Variants in BRINP1 observed in about 807,000 individuals in gnomAD.
BRINP1 encodes the protein BMP/retinoic acid inducible neural specific 1.
BRINP1 carries 17 observed loss-of-function variants against 72.9 expected under a neutral mutation model. That is an observed-to-expected ratio of 0.23 (90% CI 0.16 to 0.35). The LOEUF is 0.35. Among genes scored for constraint, BRINP1 ranks in the 10% least tolerant of loss-of-function variants. The pLI is 1.00. For synonymous variants in BRINP1, 418 were observed against 378.5 expected (o/e 1.10, Z -1.21); for missense variants, 850 against 1,001.6 (o/e 0.85, Z 2.04).
chr9:119,248,500 G>T (rs1305612601), intron 3 of BRINP1, among the ~76,000 whole-genome samples: 14 of 152,204 alleles, frequency 9.2e-5, no homozygotes, highest in Admixed American at 3.9e-4. Flanking sequence ...CAATTAATCT[G>T]CTTTCCCATT....
intron 1 of BRINP1, among the ~76,000 whole-genome samples, chr9:119,349,051 A>T (rs949459695): frequency 3.3e-5 from 5 of 152,184 alleles, no homozygotes; most frequent in Non-Finnish European, 7.3e-5. Context: ...AACATGGCAA[A>T]GAAAAGACTT....
At chr9:119,233,314 G>A (rs1367034095) in intron 5 of BRINP1, among the ~76,000 whole-genome samples, 1 of 151,996 alleles carries the variant, frequency 6.6e-6, no homozygotes, top group Non-Finnish European at 1.5e-5. Flanking sequence ...AAATGAGAAT[G>A]TTATTTATGC....
chr9:119,360,025 G>C (rs555872956), intron 1 of BRINP1, among the ~76,000 whole-genome samples: 1 of 152,266 alleles, frequency 6.6e-6, no homozygotes, highest in South Asian at 2.1e-4. Context: ...GCAAAAACTG[G>C]AGCTGACTTG....
At chr9:119,172,230 T>C (rs958607069) in intron 7 of BRINP1, among the ~76,000 whole-genome samples, 10 of 152,050 alleles carry the variant, frequency 6.6e-5, no homozygotes, top group Admixed American at 3.3e-4. Flanking sequence ...ATTGATAGAC[T>C]ACTAGCAAGA....
chr9:119,245,097 G>A (rs993782846), intron 3 of BRINP1, among the ~76,000 whole-genome samples: 8 of 152,120 alleles, frequency 5.3e-5, no homozygotes, highest in Admixed American at 1.3e-4. Context: ...TGCAGGGAGG[G>A]AAATAGTGAA....
chr9:119,351,006 C>T (rs994797011), intron 1 of BRINP1, among the ~76,000 whole-genome samples: 2 of 151,588 alleles, frequency 1.3e-5, no homozygotes, highest in Non-Finnish European at 2.9e-5. Context: ...ATCTATCAAC[C>T]CGTCATCTAT....
At chr9:119,232,030 G>A (rs1252537959) in intron 5 of BRINP1, among the ~76,000 whole-genome samples, 2 of 152,022 alleles carry the variant, frequency 1.3e-5, no homozygotes, top group African/African-American at 2.4e-5. Flanking sequence ...GTCAAACGTA[G>A]GTTCCAACTC....
At position 119,176,263 on chromosome 9, in the gene BRINP1, A is replaced by G. The variant is rs546930557; in HGVS notation, c.1146-8039T>C. Among the ~76,000 whole-genome samples, 9 of 152,128 alleles carry G rather than the reference A, an allele frequency of 5.9e-5. No homozygotes were observed. In the East Asian group the frequency reaches 1.7e-3, roughly 29 times the overall value. ...AGCGAGAGTCAAGAGCACCTTTCCT[A>G]AGGCTGTCGTGCTGTGGAGATGGTG... On this transcript the variant is annotated intron_variant, in intron 7 of 7. Coordinates refer to ENST00000265922, the MANE Select transcript of BRINP1 (RefSeq NM_014618.3).
intron 1 of BRINP1, 136 bp from the exon 2 acceptor site, chr9:119,313,541 T>C (rs1429057966): frequency 2.7e-6 from 2 of 747,818 alleles, no homozygotes; most frequent in African/African-American, 1.8e-5. Context: ...TAATACCTTA[T>C]ATCAGTAGAG....
intron 1 of BRINP1, 118 bp from the exon 2 acceptor site, chr9:119,313,523 C>T: frequency 1.2e-6 from 1 of 861,832 alleles, no homozygotes; most frequent in South Asian, 1.9e-5. Context: ...ATTAACACAT[C>T]TTCATAATAA....
chr9:119,167,531 C>T lies in BRINP1; in HGVS notation c.1839G>A (p.Glu613=). Residue 613 remains glutamate, a synonymous_variant, in exon 8 of 8, where the codon GAG becomes GAA. Transcript: ENST00000265922. The surrounding 1 kb of genome is among the most constrained non-coding windows in gnomAD (Gnocchi z 4.3). ...GACTACGTAGGTAGATGTGGACCGT[C>T]TCGAAAAATGTTTTCCACCGATTGC... is the stretch of plus-strand genomic sequence containing the variant. The part of the protein sequence containing the change: ...LLGNRWKTFF[E]TVHIYLRSRT... The T allele has an allele frequency of 6.2e-7, 1 of 1,614,108 alleles. No individual in the cohort carries two copies. The highest frequency in any genetic ancestry group is 1.6e-4 in the Middle Eastern group (1 of 6,062).
intron 2 of BRINP1, among the ~76,000 whole-genome samples, chr9:119,256,356 C>T (rs970636550): frequency 6.6e-5 from 10 of 152,126 alleles, no homozygotes; most frequent in Admixed American, 2.0e-4. Flanking sequence ...CAATCATGCT[C>T]TTTTAAAATT....
intron 1 of BRINP1, among the ~76,000 whole-genome samples, chr9:119,361,620 C>CT (rs1019409821): frequency 2.9e-5 from 4 of 140,236 alleles, no homozygotes; most frequent in Admixed American, 7.1e-5. Flanking sequence ...TCTTCTTCTT[C>CT]TTTTTTTTGT....
chr9:119,301,349 A>C (rs191289068), intron 2 of BRINP1, among the ~76,000 whole-genome samples: 5 of 152,244 alleles, frequency 3.3e-5, no homozygotes, highest in Admixed American at 2.6e-4. Flanking sequence ...CCTCTTGACT[A>C]TTTCTTCCTT....
chr9:119,318,321 A>G (rs1002195662), intron 1 of BRINP1, among the ~76,000 whole-genome samples: 4 of 152,228 alleles, frequency 2.6e-5, no homozygotes, highest in African/African-American at 9.6e-5. Context: ...TGAAAGATAA[A>G]GCAAAGCTGA....
intron 1 of BRINP1, among the ~76,000 whole-genome samples, chr9:119,331,387 T>A (rs1831299159): frequency 6.6e-6 from 1 of 152,240 alleles, no homozygotes; most frequent in Non-Finnish European, 1.5e-5. Flanking sequence ...CATGATTTTG[T>A]TGTTTTGGGT....
At chr9:119,177,185 A>T (rs967386908) in intron 7 of BRINP1, among the ~76,000 whole-genome samples, 1 of 152,174 alleles carries the variant, frequency 6.6e-6, no homozygotes. Flanking sequence ...GGAAAAACAA[A>T]CTTCTACCTC....
At chr9:119,352,018 G>T (rs914311357) in intron 1 of BRINP1, among the ~76,000 whole-genome samples, 1 of 151,856 alleles carries the variant, frequency 6.6e-6, no homozygotes. Flanking sequence ...GGCTGGTCTC[G>T]AACTCCCGAC....
chr9:119,187,098 C>A (rs996979765), intron 7 of BRINP1, among the ~76,000 whole-genome samples: 1 of 151,856 alleles, frequency 6.6e-6, no homozygotes, highest in African/African-American at 2.4e-5. Context: ...GCCTGAGCTA[C>A]TGAAGTGCCT....
Sources: allele counts gnomAD v4.1 joint callset (sites outside exome capture counted in the v4.1 genomes callset), GRCh38; gene constraint gnomAD v4.1.1; non-coding constraint Gnocchi (gnomAD v3.1); transcripts MANE v1.5; gene names NCBI Gene and HGNC (gene_info 2026-07-23, HGNC 2026-07-21).